Variants in DNAJC1 observed in about 807,000 individuals in gnomAD.
DNAJC1 encodes the protein DnaJ heat shock protein family (Hsp40) member C1.
In DNAJC1, 58 loss-of-function variants were observed where a neutral mutation model predicts 76.6. That is an observed-to-expected ratio of 0.76 (90% confidence interval 0.61 to 0.94). The LOEUF (loss-of-function observed/expected upper bound fraction) is 0.94, where lower values mean the gene tolerates loss of function less well. Among genes scored for constraint, DNAJC1 ranks in the 40% least tolerant of loss-of-function variants. The pLI is 0.00. For synonymous variants in DNAJC1, 258 were observed against 267.9 expected (o/e 0.96, Z 0.36); for missense variants, 689 against 677.3 (o/e 1.02, Z -0.19).
Position 22,003,330 on chromosome 10 carries a change from C to T in DNAJC1, c.105G>A (p.Leu35=). The change falls in exon 1 of 12, where the codon CTG becomes CTA. Residue 35 remains leucine (L), a synonymous_variant. Transcript: ENST00000376980. ...PPPRTPLLWL[L]LLLLAAVAPA... The stretch of plus-strand genomic sequence containing the variant: ...GCGCCACGGCGGCCAGCAGCAGCAG[C>T]AGCAGCCACAGCAGCGGCGTCCGCG... 6.6e-7 allele frequency: 1 copy of T among 1,508,376 alleles called. No homozygotes were observed. Among genetic ancestry groups the T allele is most frequent in the Non-Finnish European group, 8.9e-7 (1 of 1,128,632 alleles). 93.4% of individuals were successfully genotyped at this position (1,508,376 alleles called of 1,614,324 possible).
At chr10:21,931,949 C>G (rs1203772663) in intron 1 of DNAJC1, among the ~76,000 whole-genome samples, 1 of 152,050 alleles carries the variant, frequency 6.6e-6, no homozygotes, top group East Asian at 1.9e-4. Flanking sequence ...CTTTGGCAAG[C>G]TAACCATGAA....
At chr10:21,934,043 T>A (rs566795349) in intron 1 of DNAJC1, among the ~76,000 whole-genome samples, 1 of 152,172 alleles carries the variant, frequency 6.6e-6, no homozygotes, top group East Asian at 1.9e-4. Context: ...CTCAAGCAGG[T>A]CCTTCAGGAG....
At chr10:21,802,084 C>A (rs565628190) in intron 9 of DNAJC1, among the ~76,000 whole-genome samples, 1 of 151,956 alleles carries the variant, frequency 6.6e-6, no homozygotes, top group Non-Finnish European at 1.5e-5. Flanking sequence ...CCCTGTGACA[C>A]GAGTTTACCT....
At position 21,871,338 on chromosome 10, in the gene DNAJC1, G is replaced by A. The variant is rs150009900; in HGVS notation, c.978+10944C>T. Among the ~76,000 whole-genome samples, 351 of 147,106 alleles carry A rather than the reference G, an allele frequency of 2.4e-3. 2 individuals carry two copies. The highest frequency in any genetic ancestry group is 0.017 in the Middle Eastern group (5 of 294). On this transcript the variant is annotated intron_variant, in intron 8 of 11. Transcript: ENST00000376980. Reference sequence around the variant, plus strand: ...CTGACATTAAGGCTATGTAGAAGCGGGGAAAAAAAAAAAAAAAAAAGGTTA... The same window carrying A: ...CTGACATTAAGGCTATGTAGAAGCGAGGAAAAAAAAAAAAAAAAAAGGTTA...
chr10:21,891,476 CAAAAAA>C (rs369729722), intron 7 of DNAJC1, among the ~76,000 whole-genome samples: 2 of 38,862 alleles, frequency 5.1e-5, no homozygotes, highest in African/African-American at 9.4e-5. Flanking sequence ...ACAAAGTAGA[CAAAAAA>C]AAAAAAAAAA....
intron 8 of DNAJC1, among the ~76,000 whole-genome samples, chr10:21,815,734 G>A (rs933257379): frequency 2.6e-5 from 4 of 151,898 alleles, no homozygotes; most frequent in African/African-American, 9.7e-5. Context: ...GGATGAGGCA[G>A]AGGTCAAGGT....
intron 1 of DNAJC1, among the ~76,000 whole-genome samples, chr10:21,953,821 TAAAAAAAAAAAAA>T (rs779370823): frequency 3.5e-5 from 3 of 84,950 alleles, no homozygotes; most frequent in Admixed American, 1.4e-4. Context: ...AACTGAACTT[TAAAAAAAAAAAAA>T]AAAAAAAAAA....
intron 8 of DNAJC1, among the ~76,000 whole-genome samples, chr10:21,812,208 G>A (rs566968777): frequency 1.4e-4 from 21 of 151,958 alleles, no homozygotes; most frequent in African/African-American, 4.3e-4. Context: ...ACAGGTGCCC[G>A]CCACCACGCC....
intron 7 of DNAJC1, among the ~76,000 whole-genome samples, chr10:21,896,510 TG>T (rs1189477767): frequency 2.6e-5 from 4 of 152,190 alleles, no homozygotes; most frequent in Non-Finnish European, 5.9e-5. Flanking sequence ...ATCATTATAA[TG>T]TGGAAGCATA....
At chr10:21,911,159 T>C (rs1836857127) in intron 6 of DNAJC1, among the ~76,000 whole-genome samples, 1 of 151,990 alleles carries the variant, frequency 6.6e-6, no homozygotes, top group African/African-American at 2.4e-5. Flanking sequence ...AAATACCACC[T>C]GTCCTGATGG....
intron 1 of DNAJC1, among the ~76,000 whole-genome samples, chr10:21,970,337 T>C (rs2131827646): frequency 6.6e-6 from 1 of 152,156 alleles, no homozygotes; most frequent in Non-Finnish European, 1.5e-5. Context: ...CCTAAGTTGT[T>C]AAAGGAGGTC....
chr10:21,838,122 T>A (rs1305281932), intron 8 of DNAJC1, among the ~76,000 whole-genome samples: 1 of 151,294 alleles, frequency 6.6e-6, no homozygotes, highest in Non-Finnish European at 1.5e-5. Context: ...GTCTGGGAGG[T>A]GTACCCAACA....
At chr10:21,816,305 A>G (rs2131652538) in intron 8 of DNAJC1, among the ~76,000 whole-genome samples, 1 of 151,984 alleles carries the variant, frequency 6.6e-6, no homozygotes, top group South Asian at 2.1e-4. Context: ...GGTTGTAATG[A>G]GCCAAGATCG....
In DNAJC1 at chr10:21,910,832, G is replaced by GAA. The variant is rs1380754257; in HGVS notation, c.730-6221_730-6220insTT. 3.1e-3 allele frequency among the ~76,000 whole-genome samples: 142 copies of GAA among 45,412 alleles called. 3 individuals are homozygous for GAA. Among genetic ancestry groups the GAA allele is most frequent in the Admixed American group, 7.7e-3 (29 of 3,780 alleles). 29.8% of individuals were successfully genotyped at this position (45,412 alleles called of 152,430 possible). A position where few individuals can be genotyped will look rare whatever the true frequency, so the allele number is the denominator to read the frequency against. ...AAGAAAAGAAAGGAAAGAAAGGAAGGAGAGGAGAGGAGAGGAGAGGAGAGG... is the reference window on the plus strand; with the variant it reads ...AAGAAAAGAAAGGAAAGAAAGGAAGGAAAGAGGAGAGGAGAGGAGAGGAGAGG... On this transcript the variant is annotated intron_variant, in intron 6 of 11. Coordinates refer to ENST00000376980, the MANE Select transcript of DNAJC1 (RefSeq NM_022365.4).
At chr10:21,832,517 A>G (rs1190294354) in intron 8 of DNAJC1, among the ~76,000 whole-genome samples, 3 of 152,118 alleles carry the variant, frequency 2.0e-5, no homozygotes, top group Admixed American at 1.3e-4. Flanking sequence ...ACCATGCCCC[A>G]TATTTTTTTA....
At chr10:21,966,544 TA>T in intron 1 of DNAJC1, among the ~76,000 whole-genome samples, 1 of 152,214 alleles carries the variant, frequency 6.6e-6, no homozygotes, top group South Asian at 2.1e-4. Flanking sequence ...TATGTAGGTA[TA>T]AATTCATGGA....
At chr10:21,854,875 A>C (rs1031047096) in intron 8 of DNAJC1, among the ~76,000 whole-genome samples, 3 of 152,204 alleles carry the variant, frequency 2.0e-5, no homozygotes, top group African/African-American at 7.2e-5. Context: ...TTTATAACTA[A>C]AAAATTAAAG....
chr10:21,961,778 C>T (rs1257208307), intron 1 of DNAJC1, among the ~76,000 whole-genome samples: 1 of 152,154 alleles, frequency 6.6e-6, no homozygotes, highest in Non-Finnish European at 1.5e-5. Flanking sequence ...AAAGTTCTTA[C>T]AATCACATCA....
intron 6 of DNAJC1, among the ~76,000 whole-genome samples, chr10:21,911,093 A>AAGGAAGGAAGGC (rs1564825072): frequency 1.4e-5 from 2 of 146,826 alleles, no homozygotes; most frequent in African/African-American, 5.0e-5. Context: ...GGAAGGCGGG[A>AAGGAAGGAAGGC]AGGCGGGAAG....
Sources: gnomAD v4.1 joint callset for allele counts (sites outside exome capture counted in the v4.1 genomes callset) on GRCh38, gnomAD v4.1.1 for gene constraint, MANE v1.5 for transcripts, NCBI Gene and HGNC (gene_info 2026-07-23, HGNC 2026-07-21) for gene names.